TMOD1: variants seen among roughly 807,000 people sequenced by gnomAD.
The protein encoded by TMOD1 is tropomodulin-1.
In TMOD1, 17 loss-of-function variants were observed where a neutral mutation model predicts 40.6. That is an observed-to-expected ratio of 0.42 (90% CI 0.29 to 0.63). The LOEUF (loss-of-function observed/expected upper bound fraction) is 0.63, where lower values mean the gene tolerates loss of function less well. Ranked by LOEUF, TMOD1 falls within the 20% of genes least tolerant of loss-of-function variation. TMOD1 has a pLI of 0.22. For synonymous variants in TMOD1, 181 were observed against 175.0 expected (o/e 1.03, Z -0.27); for missense variants, 391 against 447.6 (o/e 0.87, Z 1.14).
chr9:97,518,563 G>A (rs955072332), intron 1 of TMOD1, among the ~76,000 whole-genome samples: 2 of 152,162 alleles, frequency 1.3e-5, no homozygotes, highest in Non-Finnish European at 2.9e-5. Flanking sequence ...CTTTGTCTTG[G>A]GCCACCTTGG....
intron 2 of TMOD1, among the ~76,000 whole-genome samples, chr9:97,544,166 C>G (rs563990124): frequency 6.6e-6 from 1 of 152,146 alleles, no homozygotes; most frequent in Non-Finnish European, 1.5e-5. Context: ...GATCACACCC[C>G]GGTCTCCTGA....
At chr9:97,585,824 C>T (rs954472277) in intron 8 of TMOD1, among the ~76,000 whole-genome samples, 5 of 138,228 alleles carry the variant, frequency 3.6e-5, no homozygotes, top group South Asian at 2.3e-4. Context: ...GCATTCTTCA[C>T]GTAGTTCTCG....
intron 7 of TMOD1, among the ~76,000 whole-genome samples, 162 bp downstream of exon 7, chr9:97,566,117 C>T (rs1474046746): frequency 2.6e-5 from 4 of 152,134 alleles, no homozygotes; most frequent in African/African-American, 9.7e-5. Flanking sequence ...AGGGAACAGC[C>T]ATCACCTGGC....
At chr9:97,569,085 C>T (rs1426227524) in intron 8 of TMOD1, 48 bp downstream of exon 8, 1 of 1,603,154 alleles carries the variant, frequency 6.2e-7, no homozygotes, top group African/African-American at 1.3e-5. Flanking sequence ...ATGCAGCTCG[C>T]TGGCCTGCAG....
chr9:97,563,905 C>G, intron 5 of TMOD1, 133 bp from the exon 6 acceptor site: 1 of 1,201,870 alleles, frequency 8.3e-7, no homozygotes, highest in Non-Finnish European at 1.1e-6. Context: ...CCCCCTACCC[C>G]CACCCAGCCC....
intron 2 of TMOD1, among the ~76,000 whole-genome samples, chr9:97,530,665 A>G (rs899824370): frequency 6.7e-6 from 1 of 149,106 alleles, no homozygotes; most frequent in Admixed American, 6.7e-5. Flanking sequence ...TTGTTTTTGT[A>G]TTTTTAGTAG....
chr9:97,510,507 A>C (rs993699015), intron 1 of TMOD1, among the ~76,000 whole-genome samples: 3 of 152,240 alleles, frequency 2.0e-5, no homozygotes, highest in Non-Finnish European at 4.4e-5. Context: ...CTGGGATTAC[A>C]GGCCTGAGCC....
intron 1 of TMOD1, among the ~76,000 whole-genome samples, chr9:97,521,466 A>G (rs980484254): frequency 6.6e-6 from 1 of 152,132 alleles, no homozygotes; most frequent in Non-Finnish European, 1.5e-5. Flanking sequence ...CCTTCACTGG[A>G]GTCCCTCTTG....
chr9:97,531,395 G>A (rs1369673262), intron 2 of TMOD1, among the ~76,000 whole-genome samples: 1 of 152,070 alleles, frequency 6.6e-6, no homozygotes, highest in Non-Finnish European at 1.5e-5. Flanking sequence ...CGGATCACTT[G>A]AGGTCAGGAG....
rs912243142 is a variant in TMOD1, at chr9:97,581,406, C to T, written c.871-9885C>T. On this transcript the variant is annotated intron_variant, in intron 8 of 9. Coordinates refer to ENST00000259365, the MANE Select transcript of TMOD1 (RefSeq NM_003275.4). ...ATCCAGTCTGTCATAGATGGACATT[C>T]GGGTTGGTTCCAAGTCTTTGCGATT... Among the ~76,000 whole-genome samples, 28 of 151,846 alleles carry T rather than the reference C, an allele frequency of 1.8e-4. No individual in the cohort carries two copies. In the East Asian group the frequency reaches 2.7e-3, roughly 15 times the overall value.
intron 1 of TMOD1, among the ~76,000 whole-genome samples, chr9:97,504,494 G>A (rs1375664911): frequency 3.9e-5 from 6 of 152,314 alleles, no homozygotes; most frequent in Non-Finnish European, 8.8e-5. Context: ...CAGGAGAGGG[G>A]AGAGAGTTAA....
chr9:97,586,620 A>T (rs1825877563), intron 8 of TMOD1, among the ~76,000 whole-genome samples: 2 of 152,052 alleles, frequency 1.3e-5, no homozygotes, highest in African/African-American at 4.8e-5. Context: ...GCCGCCTTGC[A>T]GTTTGATCTC....
chr9:97,514,242 G>GGGGT (rs1554753246), intron 1 of TMOD1, among the ~76,000 whole-genome samples: 1 of 99,966 alleles, frequency 1.0e-5, no homozygotes, highest in Admixed American at 9.7e-5. Context: ...TTTTTTTTTG[G>GGGGT]GGGGGGGGTT....
At chr9:97,519,401 C>T (rs547530287) in intron 1 of TMOD1, among the ~76,000 whole-genome samples, 12 of 152,244 alleles carry the variant, frequency 7.9e-5, no homozygotes, top group African/African-American at 2.6e-4. Context: ...GTAAAATAGA[C>T]ACCAGATTTG....
chr9:97,502,452 C>T lies in TMOD1; in HGVS notation c.-49+649C>T, dbSNP rs1829518285. Among the ~76,000 whole-genome samples the T allele has an allele frequency of 6.6e-6, 1 of 152,210 alleles. No individual in the cohort carries two copies. Among genetic ancestry groups the T allele is most frequent in the African/African-American group, 2.4e-5 (1 of 41,468 alleles). The stretch of plus-strand genomic sequence containing the variant: ...TGGAGGCGGGAGCCCCAGGTTGTCG[C>T]CGGCTCTCGGCATGGCCTTGGCAAT... On this transcript the variant is annotated intron_variant, in intron 1 of 9. Coordinates refer to ENST00000259365, the MANE Select transcript of TMOD1 (RefSeq NM_003275.4). This position sits in a 1 kb window ranked among gnomAD's most constrained non-coding sequence, Gnocchi z 6.1.
intron 2 of TMOD1, among the ~76,000 whole-genome samples, chr9:97,527,632 G>A (rs1564232873): frequency 6.6e-6 from 1 of 152,202 alleles, no homozygotes; most frequent in East Asian, 1.9e-4. Flanking sequence ...GAGGGGTTGG[G>A]ATAGATAACG....
In TMOD1 at chr9:97,564,204, C is replaced by T. The variant is rs1197633622; in HGVS notation, c.618+36C>T. On this transcript the variant is annotated intron_variant, in intron 6 of 9. Coordinates refer to ENST00000259365, the MANE Select transcript of TMOD1 (RefSeq NM_003275.4). ...TTTATTTCACTTTACCTGTGTGTGG[C>T]TGGGGGAGGGGGAACCATGTCACCC... is the stretch of plus-strand genomic sequence containing the variant. 5.1e-6 allele frequency: 8 copies of T among 1,556,020 alleles called. No individual in the cohort carries two copies. The Admixed American group carries it at 7.8e-5, about 15-fold the overall frequency.
At chr9:97,515,748 A>G (rs74306822) in intron 1 of TMOD1, among the ~76,000 whole-genome samples, 3,294 of 152,082 alleles carry the variant, frequency 0.022, 74 homozygotes, top group East Asian at 0.098. Context: ...TCCTTAGGGG[A>G]AGCAGGATGG....
chr9:97,555,429 G>A, intron 4 of TMOD1: 1 of 1,397,714 alleles, frequency 7.2e-7, no homozygotes, highest in Non-Finnish European at 9.3e-7. Flanking sequence ...GGCGCCTGCG[G>A]TTCCTGTGCC....
Sources: allele counts gnomAD v4.1 joint callset (sites outside exome capture counted in the v4.1 genomes callset), GRCh38; gene constraint gnomAD v4.1.1; non-coding constraint Gnocchi (gnomAD v3.1); transcripts MANE v1.5; gene names NCBI Gene and HGNC (gene_info 2026-07-23, HGNC 2026-07-21).